The following DIP2C variants were observed in gnomAD, a reference collection of about 807,000 sequenced individuals.
DIP2C encodes the protein disco-interacting protein 2 homolog C.
A neutral mutation model predicts 192.4 loss-of-function variants in DIP2C; 33 were observed. That is an observed-to-expected ratio of 0.17 (90% CI 0.13 to 0.23). DIP2C has a LOEUF of 0.23. Among genes scored for constraint, DIP2C ranks in the 10% least tolerant of loss-of-function variants. The pLI, the probability that DIP2C is intolerant of heterozygous loss-of-function variation, is 1.00. For synonymous variants in DIP2C, 979 were observed against 864.1 expected, an observed-to-expected ratio of 1.13 and a Z score of -2.33; for missense variants, 1,537 against 2,110.1, an observed-to-expected ratio of 0.73 and a Z score of 5.32.
At chr10:345,384 C>T (rs1296352095) in intron 26 of DIP2C, among the ~76,000 whole-genome samples, 1 of 152,070 alleles carries the variant, frequency 6.6e-6, no homozygotes, top group African/African-American at 2.4e-5. Context: ...AAAGAGCTCA[C>T]TGCTCACACC....
chr10:524,372 T>C (rs937417742), intron 1 of DIP2C, among the ~76,000 whole-genome samples: 1 of 152,210 alleles, frequency 6.6e-6, no homozygotes, highest in Non-Finnish European at 1.5e-5. Flanking sequence ...TTTAATTACC[T>C]TCATGGTCAT....
chr10:670,413 G>C (rs561419514), intron 1 of DIP2C, among the ~76,000 whole-genome samples: 5 of 152,116 alleles, frequency 3.3e-5, no homozygotes, highest in Non-Finnish European at 7.3e-5. Context: ...TATCATCTCA[G>C]GTACGTGGAT....
At chr10:536,315 G>A (rs763281780) in intron 1 of DIP2C, among the ~76,000 whole-genome samples, 1 of 152,224 alleles carries the variant, frequency 6.6e-6, no homozygotes, top group African/African-American at 2.4e-5. Context: ...CCTATATCCA[G>A]GATATCTCCT....
Position 288,440 on chromosome 10 carries a change from A to G in DIP2C, c.3987-19T>C, listed in dbSNP as rs201877952. ...GCGGACTCTGCAAACAGAAAGAGAA[A>G]ATATTCCTAGATGTGTTTGCTGTCC... On this transcript the variant is annotated intron_variant, in intron 32 of 36. Transcript: ENST00000280886. 6.2e-7 allele frequency: 1 copy of G among 1,613,590 alleles called. No homozygotes were observed. The highest frequency in any genetic ancestry group is 8.5e-7 in the Non-Finnish European group (1 of 1,179,598).
At chr10:573,158 C>A (rs1459893578) in intron 1 of DIP2C, among the ~76,000 whole-genome samples, 1 of 152,026 alleles carries the variant, frequency 6.6e-6, no homozygotes, top group African/African-American at 2.4e-5. Context: ...CAGCATGTCA[C>A]CTCAAAAGGC....
At chr10:481,034 T>C (rs542633020) in intron 2 of DIP2C, among the ~76,000 whole-genome samples, 1 of 152,246 alleles carries the variant, frequency 6.6e-6, no homozygotes, top group South Asian at 2.1e-4. Context: ...CCCGGGACCC[T>C]CCAGCCCAGG....
At chr10:503,395 T>A (rs1012432688) in intron 1 of DIP2C, among the ~76,000 whole-genome samples, 3 of 152,148 alleles carry the variant, frequency 2.0e-5, no homozygotes, top group African/African-American at 7.2e-5. Flanking sequence ...TAATAAGCAC[T>A]CGGAAACTAA....
rs1304320187 is a variant in DIP2C at position 679,526 on chromosome 10, CCCCACGCCCA to C, written c.85+9958_85+9967del. 2.6e-3 allele frequency among the ~76,000 whole-genome samples: 20 copies of C among 7,810 alleles called. 5 individuals carry two copies. The highest frequency in any genetic ancestry group is 0.04 in the South Asian group (2 of 50). The allele number at this position is 7,810 out of a possible 152,430, so 5.1% of individuals were successfully genotyped here. Reference sequence around the variant, plus strand: ...CACCCGTGCTCCCCACGCCCATGCTCCCCACGCCCATGCTCCCCGCACCCATCCTCCCCGC... The same window carrying C: ...CACCCGTGCTCCCCACGCCCATGCTCTGCTCCCCGCACCCATCCTCCCCGC... On this transcript the variant is annotated intron_variant, in intron 1 of 36. Coordinates refer to ENST00000280886, the MANE Select transcript of DIP2C (RefSeq NM_014974.3).
intron 4 of DIP2C, among the ~76,000 whole-genome samples, chr10:434,256 T>C (rs76403103): frequency 0.016 from 2,470 of 152,282 alleles, 73 homozygotes; most frequent in African/African-American, 0.056. Flanking sequence ...TAAAAGTTTT[T>C]CTCCTACCTT....
At chr10:485,597 CCTTA>C (rs1382823141) in intron 2 of DIP2C, among the ~76,000 whole-genome samples, 3 of 152,196 alleles carry the variant, frequency 2.0e-5, no homozygotes, top group Admixed American at 6.5e-5. Flanking sequence ...AGGAAACTTT[CCTTA>C]CTGAGTCAAC....
intron 3 of DIP2C, among the ~76,000 whole-genome samples, chr10:463,297 A>C (rs183173294): frequency 6.6e-6 from 1 of 152,340 alleles, no homozygotes; most frequent in East Asian, 1.9e-4. Flanking sequence ...CAACTTCAGC[A>C]AAGTCTCAGG....
intron 1 of DIP2C, among the ~76,000 whole-genome samples, chr10:488,053 A>G: frequency 6.6e-6 from 1 of 152,238 alleles, no homozygotes; most frequent in Non-Finnish European, 1.5e-5. Context: ...GAACCACAGA[A>G]GCAGCCACAT....
intron 30 of DIP2C, 80 bp downstream of exon 30, chr10:329,353 C>T (rs1013786663): frequency 7.0e-7 from 1 of 1,427,708 alleles, no homozygotes; most frequent in African/African-American, 1.4e-5. Context: ...GTTTTAACTT[C>T]ACCCCATCAC....
intron 1 of DIP2C, among the ~76,000 whole-genome samples, chr10:585,166 A>C (rs1229006785): frequency 1.3e-5 from 2 of 152,054 alleles, no homozygotes; most frequent in African/African-American, 4.8e-5. Context: ...AACAAGCTTG[A>C]CCTCTATGAG....
At chr10:490,570 T>C (rs1312609863) in intron 1 of DIP2C, among the ~76,000 whole-genome samples, 2 of 152,340 alleles carry the variant, frequency 1.3e-5, no homozygotes, top group East Asian at 1.9e-4. Context: ...TGTCAGAGAA[T>C]GTGAACCACA....
chr10:316,350 G>A (rs1398869827), intron 31 of DIP2C, among the ~76,000 whole-genome samples: 3 of 152,192 alleles, frequency 2.0e-5, no homozygotes, highest in Non-Finnish European at 2.9e-5. Context: ...CCTGAACACT[G>A]ACACTGGATG....
intron 6 of DIP2C, among the ~76,000 whole-genome samples, chr10:416,446 A>C (rs139264062): frequency 6.6e-6 from 1 of 151,966 alleles, no homozygotes; most frequent in African/African-American, 2.4e-5. Flanking sequence ...AGCCCTGTCC[A>C]CTCCTAATAA....
chr10:482,197 A>C (rs949329843), intron 2 of DIP2C, among the ~76,000 whole-genome samples: 1 of 152,112 alleles, frequency 6.6e-6, no homozygotes, highest in African/African-American at 2.4e-5. Flanking sequence ...GTCGGGAGGG[A>C]CAGCGGCGTG....
At chr10:371,310 T>C (rs4242757) in intron 17 of DIP2C, among the ~76,000 whole-genome samples, 137,612 of 152,152 alleles carry the variant, frequency 0.9, 63,084 homozygotes, top group South Asian at 0.99. Flanking sequence ...GATCACCCCT[T>C]GTATCTGTGA....
Sources: allele counts gnomAD v4.1 joint callset (sites outside exome capture counted in the v4.1 genomes callset), GRCh38; gene constraint gnomAD v4.1.1; transcripts MANE v1.5; gene names NCBI Gene and HGNC (gene_info 2026-07-23, HGNC 2026-07-21).